RNF212B: variants seen among roughly 807,000 people sequenced by gnomAD.
RNF212B encodes ring finger protein 212B.
Under a neutral mutation model 55.5 loss-of-function variants are expected in RNF212B, and 52 were observed. The observed-to-expected ratio is 0.94, with a 90% CI of 0.75 to 1.18. RNF212B has a LOEUF of 1.18. RNF212B is among the 50% of genes most tolerant of loss of function. RNF212B has a pLI of 0.00. For missense variants in RNF212B, 289 were observed against 350.4 expected (o/e 0.82, Z 1.40); for synonymous variants, 99 against 121.4 (o/e 0.82, Z 1.21).
At chr14:23,212,484 A>G (rs893033017) in intron 2 of RNF212B, among the ~76,000 whole-genome samples, 3 of 152,194 alleles carry the variant, frequency 2.0e-5, no homozygotes, top group African/African-American at 7.2e-5. Context: ...GTAGAATACA[A>G]GATCAATAAC....
At chr14:23,217,347 C>T (rs1020921236) in intron 2 of RNF212B, among the ~76,000 whole-genome samples, 3 of 152,052 alleles carry the variant, frequency 2.0e-5, no homozygotes, top group African/African-American at 7.3e-5. Flanking sequence ...TGCACTAGGA[C>T]ATCAGCTAAA....
chr14:23,239,483 A>G (rs1220092940), intron 1 of RNF212B, among the ~76,000 whole-genome samples: 1 of 152,178 alleles, frequency 6.6e-6, no homozygotes, highest in Admixed American at 6.5e-5. Flanking sequence ...CAAGTGGCTA[A>G]TATGTGATCT....
intron 4 of RNF212B, among the ~76,000 whole-genome samples, chr14:23,248,025 G>T (rs35528372): frequency 0.25 from 37,219 of 151,816 alleles, 4,587 homozygotes; most frequent in African/African-American, 0.29. Context: ...CAGTGTCGGG[G>T]GAGGGCTTAC....
At chr14:23,235,763 GTGAACCAAAATTTT>G (rs1290830534), upstream of RNF212B, among the ~76,000 whole-genome samples, 6 of 152,200 alleles carry the variant, frequency 3.9e-5, no homozygotes, top group Non-Finnish European at 8.8e-5. Flanking sequence ...GTATAACTCA[GTGAACCAAAATTTT>G]TGAAATGACC....
intron 7 of RNF212B, among the ~76,000 whole-genome samples, chr14:23,261,980 A>AAAC (rs1566438023): frequency 1.5e-3 from 184 of 126,756 alleles, no homozygotes; most frequent in African/African-American, 4.9e-3. Flanking sequence ...AACAAACAAA[A>AAAC]AAACAGAAAA....
intron 2 of RNF212B, among the ~76,000 whole-genome samples, chr14:23,220,185 G>GAAAAAC (rs55781375): frequency 0.015 from 2,133 of 144,214 alleles, 31 homozygotes; most frequent in African/African-American, 0.039. Context: ...ACTGTCTCGG[G>GAAAAAC]AAAAACAAAA....
chr14:23,252,302 A>G (rs1175919838), intron 4 of RNF212B, among the ~76,000 whole-genome samples: 2 of 152,188 alleles, frequency 1.3e-5, no homozygotes, highest in African/African-American at 4.8e-5. Context: ...CTCTGTGAGG[A>G]ACCAGGGGCG....
chr14:23,266,922 A>G (rs1885748361), intron 11 of RNF212B, among the ~76,000 whole-genome samples: 1 of 152,092 alleles, frequency 6.6e-6, no homozygotes, highest in South Asian at 2.1e-4. Context: ...TCTGTTATTG[A>G]AAGTGGGGTA....
intron 2 of RNF212B, among the ~76,000 whole-genome samples, chr14:23,241,767 C>T (rs1883587028): frequency 6.6e-6 from 1 of 151,804 alleles, no homozygotes; most frequent in Non-Finnish European, 1.5e-5. Flanking sequence ...CTAGCTCACT[C>T]TGGCAACGTT....
Position 23,269,966 on chromosome 14 carries a change from T to G in RNF212B, c.772+6T>G, listed in dbSNP as rs1410712958. ...CCTCACCCCCAACAATTTTGGTAAG[T>G]TAAATAACATTTCCAAAGGAATGGA... is the stretch of plus-strand genomic sequence containing the variant. On this transcript the variant is annotated splice_donor_region_variant and intron_variant, in intron 13 of 14. Coordinates refer to ENST00000430154, the MANE Select transcript of RNF212B (RefSeq NM_001282322.3). The G allele has an allele frequency of 9.8e-6, 14 of 1,426,102 alleles. No homozygotes were observed. The highest frequency in any genetic ancestry group is 1.4e-5 in the Non-Finnish European group (14 of 1,033,850). 88.3% of individuals were successfully genotyped at this position (1,426,102 alleles called of 1,614,324 possible).
intron 2 of RNF212B, among the ~76,000 whole-genome samples, chr14:23,216,405 CA>C (rs1369120455): frequency 6.6e-6 from 1 of 151,770 alleles, no homozygotes; most frequent in African/African-American, 2.4e-5. Flanking sequence ...GAGGAACATA[CA>C]GAAAACAAAG....
intron 4 of RNF212B, among the ~76,000 whole-genome samples, chr14:23,252,752 TCA>T (rs1170351342): frequency 6.6e-6 from 1 of 152,182 alleles, no homozygotes; most frequent in African/African-American, 2.4e-5. Context: ...GTCTTTAGAC[TCA>T]CTGTTCCACT....
intron 2 of RNF212B, among the ~76,000 whole-genome samples, chr14:23,221,076 G>A (rs955243527): frequency 9.2e-5 from 14 of 151,938 alleles, no homozygotes; most frequent in African/African-American, 3.4e-4. Flanking sequence ...AAGACACAAT[G>A]ATCTGTCACC....
chr14:23,196,029 C>T (rs913633431), intron 2 of RNF212B, among the ~76,000 whole-genome samples: 2 of 152,122 alleles, frequency 1.3e-5, no homozygotes, highest in Admixed American at 6.5e-5. Context: ...TCAATCATGA[C>T]ATTGTTATTT....
At chr14:23,234,522 A>AT (rs1296369586), upstream of RNF212B, among the ~76,000 whole-genome samples, 1 of 152,034 alleles carries the variant, frequency 6.6e-6, no homozygotes, top group Non-Finnish European at 1.5e-5. Context: ...TCAATTTTAT[A>AT]TTTTTTCAGA....
chr14:23,192,333 ACAC>A (rs1878191639), intron 1 of RNF212B, among the ~76,000 whole-genome samples: 2 of 152,224 alleles, frequency 1.3e-5, no homozygotes, highest in African/African-American at 4.8e-5. Context: ...TAGCACATAT[ACAC>A]CAAGGAATAC....
At chr14:23,232,235 GGGA>G (rs1328710967) in intron 2 of RNF212B, among the ~76,000 whole-genome samples, 1 of 151,280 alleles carries the variant, frequency 6.6e-6, no homozygotes, top group East Asian at 2.0e-4. Context: ...CTGAGATGTG[GGGA>G]GCGCCTCTGC....
chr14:23,249,031 T>C (rs1435242238), intron 4 of RNF212B, among the ~76,000 whole-genome samples: 1 of 152,242 alleles, frequency 6.6e-6, no homozygotes, highest in Non-Finnish European at 1.5e-5. Context: ...ATGTGTGTAA[T>C]TATGTTCCAA....
intron 14 of RNF212B, chr14:23,272,421 A>T: frequency 3.9e-6 from 1 of 253,996 alleles, no homozygotes; most frequent in Non-Finnish European, 7.7e-6. Flanking sequence ...TCCATCTCAA[A>T]AAAACAACAA....
Sources: allele counts gnomAD v4.1 joint callset (sites outside exome capture counted in the v4.1 genomes callset), GRCh38; gene constraint gnomAD v4.1.1; transcripts MANE v1.5; gene names NCBI Gene and HGNC (gene_info 2026-07-23, HGNC 2026-07-21).